Variants in YTHDF2 observed in about 807,000 individuals in gnomAD.
YTHDF2 encodes the protein YTH N6-methyladenosine RNA binding protein F2.
A neutral mutation model predicts 50.4 loss-of-function variants in YTHDF2; 2 were observed. The observed-to-expected ratio is 0.04, with a 90% CI of 0.02 to 0.12. The LOEUF (loss-of-function observed/expected upper bound fraction) is 0.12. Ranked by LOEUF, YTHDF2 falls within the 10% of genes least tolerant of loss-of-function variation. The pLI, the probability that YTHDF2 is intolerant of heterozygous loss-of-function variation, is 1.00. For synonymous variants in YTHDF2, 217 were observed against 255.6 expected (o/e 0.85, Z 1.44); for missense variants, 483 against 722.6 (o/e 0.67, Z 3.80).
In YTHDF2 at chr1:28,762,195, AT is replaced by A. The variant is rs1433665591; in HGVS notation, c.1717-6733del. Among the ~76,000 whole-genome samples the A allele has an allele frequency of 3.3e-5, 5 of 152,246 alleles. No homozygotes were observed. The East Asian group carries it at 9.7e-4, about 29-fold the overall frequency. On this transcript the variant is annotated intron_variant, in intron 4 of 4. Coordinates refer to ENST00000373812, the MANE Select transcript of YTHDF2 (RefSeq NM_016258.3). ...ATCACGAGGTCAGGAGATCGAGACCATCCTGGCTAACACGGTGAAACCCCGT... is the reference window on the plus strand; with the variant it reads ...ATCACGAGGTCAGGAGATCGAGACCACCTGGCTAACACGGTGAAACCCCGT...
At chr1:28,752,663 T>C (rs1029827233) in intron 4 of YTHDF2, among the ~76,000 whole-genome samples, 9 of 152,206 alleles carry the variant, frequency 5.9e-5, no homozygotes, top group African/African-American at 2.4e-5. Flanking sequence ...TTGCTGATTG[T>C]CTAGACTTCA....
intron 4 of YTHDF2, among the ~76,000 whole-genome samples, chr1:28,749,760 A>G (rs948591306): frequency 2.6e-5 from 3 of 115,684 alleles, no homozygotes; most frequent in Non-Finnish European, 5.3e-5. Flanking sequence ...AAATAGAAAA[A>G]AAAGGTAGAC....
At chr1:28,752,102 G>GACA (rs1223715322) in intron 4 of YTHDF2, among the ~76,000 whole-genome samples, 1 of 152,192 alleles carries the variant, frequency 6.6e-6, no homozygotes, top group Admixed American at 6.5e-5. Flanking sequence ...CGATGTGTTG[G>GACA]AGCTGGCTAG....
At chr1:28,756,739 A>G (rs540860898) in intron 4 of YTHDF2, among the ~76,000 whole-genome samples, 4 of 152,260 alleles carry the variant, frequency 2.6e-5, no homozygotes, top group Admixed American at 2.0e-4. Context: ...TGGAGGGATG[A>G]GGAAGAGTTA....
At chr1:28,766,283 G>C (rs1570483413) in intron 4 of YTHDF2, among the ~76,000 whole-genome samples, 1 of 136,158 alleles carries the variant, frequency 7.3e-6, no homozygotes, top group African/African-American at 2.8e-5. Flanking sequence ...ATGTGTGTAT[G>C]TATGTATTTG....
At chr1:28,749,715 A>G (rs2087919892) in intron 4 of YTHDF2, among the ~76,000 whole-genome samples, 1 of 152,012 alleles carries the variant, frequency 6.6e-6, no homozygotes, top group Non-Finnish European at 1.5e-5. Context: ...GTTAGATTCA[A>G]TGAATGATGG....
chr1:28,759,980 A>C (rs2088090304), intron 4 of YTHDF2, among the ~76,000 whole-genome samples: 1 of 152,094 alleles, frequency 6.6e-6, no homozygotes, highest in African/African-American at 2.4e-5. Flanking sequence ...ACAAAAACTT[A>C]CATTTTTAAC....
intron 4 of YTHDF2, among the ~76,000 whole-genome samples, chr1:28,757,989 C>T (rs951069550): frequency 6.6e-6 from 1 of 151,992 alleles, no homozygotes; most frequent in African/African-American, 2.4e-5. Context: ...CTTCATCTTC[C>T]AAGTAGAGAC....
chr1:28,767,613 A>G (rs1440550130), intron 4 of YTHDF2, among the ~76,000 whole-genome samples: 1 of 152,034 alleles, frequency 6.6e-6, no homozygotes, highest in Non-Finnish European at 1.5e-5. Flanking sequence ...GGTTCACGCC[A>G]TTCTCCTGCC....
Position 28,761,285 on chromosome 1 carries a change from C to T in YTHDF2, c.1717-7644C>T, listed in dbSNP as rs116034672. On this transcript the variant is annotated intron_variant, in intron 4 of 4. Transcript: ENST00000373812. ...AAGTAGCTGGGACCACACAGGTGTT[C>T]GCCACTATGCCTGGCTAATTAAAAA... 4.3e-3 allele frequency among the ~76,000 whole-genome samples: 646 copies of T among 151,972 alleles called. 8 individuals carry two copies. The highest frequency in any genetic ancestry group is 0.014 in the African/African-American group (568 of 41,442).
At chr1:28,738,394 G>A (rs2087727714) in intron 3 of YTHDF2, 56 bp downstream of exon 3, 1 of 1,354,320 alleles carries the variant, frequency 7.4e-7, no homozygotes, top group Non-Finnish European at 1.0e-6. Flanking sequence ...TTCTTTCTCC[G>A]CCTTCTACCA....
At chr1:28,754,912 G>T (rs1298123353) in intron 4 of YTHDF2, among the ~76,000 whole-genome samples, 1 of 149,318 alleles carries the variant, frequency 6.7e-6, no homozygotes, top group Non-Finnish European at 1.5e-5. Context: ...GGGAGGCAGA[G>T]GTTACAGTGA....
At chr1:28,765,617 T>C (rs1393052208) in intron 4 of YTHDF2, among the ~76,000 whole-genome samples, 2 of 151,872 alleles carry the variant, frequency 1.3e-5, no homozygotes, top group African/African-American at 4.8e-5. Flanking sequence ...TTAAATTTGT[T>C]GTTGTTGTTG....
intron 4 of YTHDF2, among the ~76,000 whole-genome samples, chr1:28,748,685 T>G (rs1287229050): frequency 6.6e-6 from 1 of 152,212 alleles, no homozygotes; most frequent in Non-Finnish European, 1.5e-5. Context: ...CTTACTTTTA[T>G]TTTTTTAAAA....
rs760699055 is a variant in YTHDF2, at chr1:28,743,208, A to G, written c.938A>G (p.Asn313Ser). Residue 313 changes from asparagine (N) to serine (S), a missense_variant, in exon 4 of 5, where the codon AAT becomes AGT. By Grantham distance (46) the Asn-to-Ser change is conservative. This residue lies in a region of YTHDF2 where 385 missense variants were observed against 475.8 expected (regional missense o/e 0.81). Transcript: ENST00000373812. This position sits in a 1 kb window ranked among gnomAD's most constrained non-coding sequence, Gnocchi z 6.9. ...CAGCCTGTAGGTCAGCAGGCTAACA[A>G]TAGCCCACCAGTGGCTCAGGCATCA... is the stretch of plus-strand genomic sequence containing the variant. ...SPQPVGQQAN[N>S]SPPVAQASVG... 4.0e-5 allele frequency: 65 copies of G among 1,613,992 alleles called. No homozygotes were observed. Among genetic ancestry groups the G allele is most frequent in the Non-Finnish European group, 4.9e-5 (58 of 1,180,040 alleles).
At position 28,736,971 on chromosome 1, in the gene YTHDF2, G is replaced by T; in HGVS notation, c.-150G>T. The T allele has an allele frequency of 2.0e-6, 2 of 976,822 alleles. No homozygotes were observed. Among genetic ancestry groups the T allele is most frequent in the Non-Finnish European group, 3.0e-6 (2 of 665,866 alleles). The allele number at this position is 976,822 out of a possible 1,614,324, so 60.5% of individuals were successfully genotyped here. A position where few individuals can be genotyped will look rare whatever the true frequency, so the allele number is the denominator to read the frequency against. On this transcript the variant is annotated 5_prime_UTR_variant, in exon 1 of 5. Coordinates refer to ENST00000373812, the MANE Select transcript of YTHDF2 (RefSeq NM_016258.3). ...TCGCCGAGTCGGAGCCGGAGCCTGA[G>T]CCGCGCGCTGTGTCTCCGCTGCGTC... is the stretch of plus-strand genomic sequence containing the variant.
At chr1:28,758,568 A>G (rs564666997) in intron 4 of YTHDF2, among the ~76,000 whole-genome samples, 1 of 152,304 alleles carries the variant, frequency 6.6e-6, no homozygotes, top group East Asian at 1.9e-4. Flanking sequence ...CATTTGCTGA[A>G]GGTTGTAAAA....
chr1:28,744,966 A>T (rs905076632), intron 4 of YTHDF2, among the ~76,000 whole-genome samples: 1 of 152,180 alleles, frequency 6.6e-6, no homozygotes, highest in Non-Finnish European at 1.5e-5. Context: ...CAGCTGGCCT[A>T]GACATTGTTA....
intron 4 of YTHDF2, among the ~76,000 whole-genome samples, chr1:28,765,923 G>C (rs936623970): frequency 6.6e-6 from 1 of 152,188 alleles, no homozygotes; most frequent in African/African-American, 2.4e-5. Flanking sequence ...AAGACATGCA[G>C]TTACATAACC....
Sources: gnomAD v4.1 joint callset for allele counts (sites outside exome capture counted in the v4.1 genomes callset) on GRCh38, gnomAD v4.1.1 for gene constraint, gnomAD v4.1.1 regional missense constraint, Gnocchi (gnomAD v3.1) non-coding constraint, MANE v1.5 for transcripts, NCBI Gene and HGNC (gene_info 2026-07-23, HGNC 2026-07-21) for gene names.